Variants in MLLT3 observed in about 807,000 individuals in gnomAD.
MLLT3 encodes protein AF-9.
A neutral mutation model predicts 53.2 loss-of-function variants in MLLT3; 4 were observed. The ratio of observed to expected loss-of-function variants is 0.08; its 90% CI spans 0.04 to 0.17. The LOEUF (loss-of-function observed/expected upper bound fraction) is 0.17. MLLT3 is among the 10% of genes least tolerant of loss of function. The probability of loss-of-function intolerance (pLI) is 1.00; values close to 1 mark genes in which losing one functional copy is unlikely to be tolerated. For synonymous variants in MLLT3, 283 were observed against 230.6 expected (o/e 1.23, Z -2.06); for missense variants, 569 against 684.0 (o/e 0.83, Z 1.87).
At chr9:20,611,893 T>C (rs541407817) in intron 2 of MLLT3, among the ~76,000 whole-genome samples, 143 of 152,292 alleles carry the variant, frequency 9.4e-4, no homozygotes, top group Admixed American at 1.6e-3. Flanking sequence ...ACTGGGTGAA[T>C]TGGGGACAAA....
chr9:20,444,809 C>T (rs1244122495), intron 4 of MLLT3, among the ~76,000 whole-genome samples: 1 of 152,084 alleles, frequency 6.6e-6, no homozygotes, highest in Admixed American at 6.6e-5. Flanking sequence ...GAGGTTGAGG[C>T]TGCAGTGAGC....
chr9:20,619,795 A>G (rs546090402), intron 2 of MLLT3, among the ~76,000 whole-genome samples: 1 of 152,308 alleles, frequency 6.6e-6, no homozygotes, highest in African/African-American at 2.4e-5. Flanking sequence ...CCTGCCCATT[A>G]TGGAAAATGT....
intron 2 of MLLT3, among the ~76,000 whole-genome samples, chr9:20,615,475 T>C (rs1387286371): frequency 6.6e-6 from 1 of 151,854 alleles, no homozygotes; most frequent in Non-Finnish European, 1.5e-5. Context: ...AACAATTTTG[T>C]TAGGTAATCA....
chr9:20,342,996 G>A lies in MLLT3; in HGVS notation c.*3447C>T, dbSNP rs867533323. 1.0e-5 allele frequency: 2 copies of A among 192,254 alleles called. No homozygotes were observed. Among genetic ancestry groups the A allele is most frequent in the South Asian group, 3.9e-4 (2 of 5,152 alleles). 11.9% of individuals were successfully genotyped at this position (192,254 alleles called of 1,614,324 possible). ...ACGAGCCACCAAACAGACACTGACT[G>A]TTTCCAACACTGGACATCCAACTCC... On this transcript the variant is annotated 3_prime_UTR_variant, in exon 11 of 11. Transcript: ENST00000380338.
chr9:20,596,558 G>C (rs1269819170), intron 2 of MLLT3, among the ~76,000 whole-genome samples: 1 of 152,176 alleles, frequency 6.6e-6, no homozygotes, highest in African/African-American at 2.4e-5. Flanking sequence ...GGGCATGGTG[G>C]TGCATGCCTG....
intron 5 of MLLT3, among the ~76,000 whole-genome samples, chr9:20,378,308 C>T (rs958815824): frequency 5.3e-5 from 8 of 151,916 alleles, no homozygotes; most frequent in African/African-American, 1.7e-4. Flanking sequence ...AATTTACCTG[C>T]TCAAATCTTA....
At chr9:20,349,254 C>T (rs563210961) in intron 10 of MLLT3, among the ~76,000 whole-genome samples, 31 of 152,220 alleles carry the variant, frequency 2.0e-4, no homozygotes, top group African/African-American at 7.5e-4. Context: ...GAGAGTAATG[C>T]TACCTGTTCT....
intron 2 of MLLT3, among the ~76,000 whole-genome samples, chr9:20,485,902 A>G (rs1429463226): frequency 1.3e-5 from 2 of 152,238 alleles, no homozygotes; most frequent in African/African-American, 4.8e-5. Flanking sequence ...ATCATTAATT[A>G]TAACAGGGTT....
At chr9:20,590,960 G>C (rs780405804) in intron 2 of MLLT3, among the ~76,000 whole-genome samples, 3 of 151,476 alleles carry the variant, frequency 2.0e-5, no homozygotes, top group Non-Finnish European at 2.9e-5. Flanking sequence ...ACATTGCCTA[G>C]TCTGGTCTTG....
intron 2 of MLLT3, among the ~76,000 whole-genome samples, chr9:20,460,840 C>G (rs1824088053): frequency 6.6e-6 from 1 of 152,122 alleles, no homozygotes; most frequent in Non-Finnish European, 1.5e-5. Flanking sequence ...ACTTTTAAAG[C>G]TTTTAAAAAA....
rs558301870 is a variant in MLLT3 at position 20,430,143 on chromosome 9, C to T, written c.421-15718G>A. 6.5e-4 allele frequency among the ~76,000 whole-genome samples: 98 copies of T among 151,832 alleles called. 1 individual carries two copies. Among genetic ancestry groups the T allele is most frequent in the Non-Finnish European group, 1.2e-3 (81 of 67,916 alleles). On this transcript the variant is annotated intron_variant, in intron 4 of 10. Transcript: ENST00000380338. ...AATAGCAAAACAAAATATAAAGTAG[C>T]TAGGAATAAATAAAGCATAAAACTA...
chr9:20,369,954 A>T (rs1255576911), intron 5 of MLLT3, among the ~76,000 whole-genome samples: 1 of 152,222 alleles, frequency 6.6e-6, no homozygotes, highest in Non-Finnish European at 1.5e-5. Flanking sequence ...AGAGAAGTCC[A>T]ATGAGGTTCT....
intron 8 of MLLT3, among the ~76,000 whole-genome samples, chr9:20,357,981 GCACACACA>G (rs3222132): frequency 3.6e-5 from 5 of 139,342 alleles, no homozygotes; most frequent in Non-Finnish European, 6.2e-5. Context: ...TCCCTCCTGC[GCACACACA>G]CACACACACA....
At position 20,599,342 on chromosome 9, in the gene MLLT3, T is replaced by A. The variant is rs148732866; in HGVS notation, c.193+21312A>T. Reference sequence around the variant, plus strand: ...AAAAGAGAATTTTCTTTGAGTATCATGCAATGATGACTAATATTTATAAAT... The same window carrying A: ...AAAAGAGAATTTTCTTTGAGTATCAAGCAATGATGACTAATATTTATAAAT... On this transcript the variant is annotated intron_variant, in intron 2 of 10. Transcript: ENST00000380338. Among the ~76,000 whole-genome samples the A allele has an allele frequency of 7.8e-3, 1,175 of 151,046 alleles. 11 individuals are homozygous for A. Among genetic ancestry groups the A allele is most frequent in the Non-Finnish European group, 0.011 (760 of 67,860 alleles).
intron 2 of MLLT3, among the ~76,000 whole-genome samples, chr9:20,484,995 A>T (rs913962719): frequency 1.4e-4 from 20 of 147,018 alleles, no homozygotes; most frequent in Admixed American, 2.7e-4. Context: ...TTTTTTATTT[A>T]TTTTTTTTTT....
At chr9:20,579,493 G>T (rs1215661116) in intron 2 of MLLT3, among the ~76,000 whole-genome samples, 1 of 152,090 alleles carries the variant, frequency 6.6e-6, no homozygotes, top group Non-Finnish European at 1.5e-5. Flanking sequence ...AAGAGCCCAT[G>T]AGAAGACTTT....
chr9:20,526,680 T>A (rs1403295441), intron 2 of MLLT3, among the ~76,000 whole-genome samples: 1 of 152,204 alleles, frequency 6.6e-6, no homozygotes, highest in Admixed American at 6.5e-5. Flanking sequence ...TGCACATTCC[T>A]AGGAGTAGAA....
intron 2 of MLLT3, among the ~76,000 whole-genome samples, chr9:20,551,186 A>G (rs1309726725): frequency 2.0e-5 from 3 of 152,242 alleles, no homozygotes; most frequent in Non-Finnish European, 2.9e-5. Context: ...TATGAAAGTA[A>G]AAGGAACAAT....
At chr9:20,399,976 T>C (rs1385603288) in intron 5 of MLLT3, among the ~76,000 whole-genome samples, 2 of 151,970 alleles carry the variant, frequency 1.3e-5, no homozygotes, top group African/African-American at 4.8e-5. Context: ...AACAAAAATA[T>C]CAGCATTTCA....
Sources: gnomAD v4.1 joint callset for allele counts (sites outside exome capture counted in the v4.1 genomes callset) on GRCh38, gnomAD v4.1.1 for gene constraint, MANE v1.5 for transcripts, NCBI Gene and HGNC (gene_info 2026-07-23, HGNC 2026-07-21) for gene names.